The following POFUT1 variants were observed in gnomAD, a reference collection of about 807,000 sequenced individuals.
POFUT1 encodes the protein protein O-fucosyltransferase 1.
A neutral mutation model predicts 42.4 loss-of-function variants in POFUT1; 16 were observed. The observed-to-expected ratio is 0.38, with a 90% confidence interval of 0.26 to 0.57. The LOEUF (loss-of-function observed/expected upper bound fraction) is 0.57, where lower values mean the gene tolerates loss of function less well. POFUT1 is among the 20% of genes least tolerant of loss of function. POFUT1 has a pLI of 0.71. For synonymous variants in POFUT1, 206 were observed against 205.4 expected (o/e 1.00, Z -0.03); for missense variants, 470 against 504.6 (o/e 0.93, Z 0.66).
rs1311923921 is a variant in POFUT1, at chr20:32,237,705, CCT to C, written c.*3049_*3050del. 2 of 504,066 alleles carry C rather than the reference CCT, an allele frequency of 4.0e-6. No homozygotes were observed. Among genetic ancestry groups the C allele is most frequent in the East Asian group, 1.1e-4 (2 of 17,642 alleles). The allele number at this position is 504,066 out of a possible 1,614,324, so 31.2% of individuals were successfully genotyped here. ...ATGAGCTGATTCACATTCTGAAGGA[CCT>C]CTCTAGCTGGCCAGTGCTGAGGAGG... On this transcript the variant is annotated 3_prime_UTR_variant, in exon 7 of 7. Coordinates refer to ENST00000375749, the MANE Select transcript of POFUT1 (RefSeq NM_015352.2).
At chr20:32,220,135 G>C (rs545665517) in intron 4 of POFUT1, among the ~76,000 whole-genome samples, 9 of 152,326 alleles carry the variant, frequency 5.9e-5, no homozygotes, top group Admixed American at 5.2e-4. Flanking sequence ...GTTGTAGCCT[G>C]TATCAAAATT....
chr20:32,223,725 A>G, intron 4 of POFUT1: 3 of 979,870 alleles, frequency 3.1e-6, no homozygotes, highest in South Asian at 4.7e-5. Context: ...CATTTATTCT[A>G]AAAATATTTA....
Position 32,207,902 on chromosome 20 carries a change from C to T in POFUT1, c.-40C>T, listed in dbSNP as rs979270171. Reference sequence around the variant, plus strand: ...GGCGCTCGCGTCCCTCCTTCCCTCCCCGACTGTGCGCCGCGGCTGGCTCGG... The same window carrying T: ...GGCGCTCGCGTCCCTCCTTCCCTCCTCGACTGTGCGCCGCGGCTGGCTCGG... On this transcript the variant is annotated 5_prime_UTR_variant, in exon 1 of 7. Transcript: ENST00000375749. 11 of 1,551,868 alleles carry T rather than the reference C, an allele frequency of 7.1e-6. No individual in the cohort carries two copies. Among genetic ancestry groups the T allele is most frequent in the Non-Finnish European group, 3.5e-6 (4 of 1,157,742 alleles).
chr20:32,219,493 G>C (rs1292999289), intron 4 of POFUT1, among the ~76,000 whole-genome samples: 1 of 149,104 alleles, frequency 6.7e-6, no homozygotes, highest in Non-Finnish European at 1.5e-5. Flanking sequence ...ACAAAACGTA[G>C]TAGCATAACA....
intron 3 of POFUT1, 133 bp from the exon 4 acceptor site, chr20:32,216,476 T>C (rs2047360979): frequency 1.6e-6 from 1 of 641,032 alleles, no homozygotes; most frequent in Admixed American, 2.6e-5. Flanking sequence ...GTGACATTTC[T>C]CCTAGGCCAT....
In POFUT1 at chr20:32,234,530, C is replaced by T. The variant is rs376777378; in HGVS notation, c.1036C>T (p.Gln346Ter). The change falls in exon 7 of 7, where the codon CAA becomes TAA. Residue 346 changes from glutamine (Q) to a stop codon, truncating the protein, a stop_gained. Coordinates refer to ENST00000375749, the MANE Select transcript of POFUT1 (RefSeq NM_015352.2). LOFTEE classifies it high-confidence loss of function. Reference protein sequence around the residue: ...VAQVDLYILGQADHFIGNCVS... With the variant: ...VAQVDLYILG ...CCAGGTCGACCTGTACATCCTCGGC[C>T]AAGCCGACCACTTTATTGGCAACTG... is the stretch of plus-strand genomic sequence containing the variant. 1.9e-6 allele frequency: 3 copies of T among 1,613,976 alleles called. No individual in the cohort carries two copies. The highest frequency in any genetic ancestry group is 1.3e-5 in the African/African-American group (1 of 74,950).
intron 3 of POFUT1, among the ~76,000 whole-genome samples, chr20:32,216,199 C>T (rs1294326969): frequency 1.3e-5 from 2 of 152,198 alleles, no homozygotes; most frequent in Non-Finnish European, 2.9e-5. Context: ...CAACAGTGCC[C>T]TTACTGGCTG....
intron 2 of POFUT1, among the ~76,000 whole-genome samples, chr20:32,210,579 A>T (rs1170040916): frequency 1.3e-5 from 2 of 152,218 alleles, no homozygotes; most frequent in Non-Finnish European, 2.9e-5. Context: ...CCCTCTGTGC[A>T]TTCCATTGGC....
chr20:32,226,899 C>T (rs947044404), intron 4 of POFUT1, among the ~76,000 whole-genome samples: 1 of 152,076 alleles, frequency 6.6e-6, no homozygotes, highest in Admixed American at 6.6e-5. Flanking sequence ...AATAAAGCTG[C>T]AAGGGACATT....
chr20:32,217,295 C>A, intron 4 of POFUT1: 13 of 1,354,262 alleles, frequency 9.6e-6, no homozygotes, highest in Non-Finnish European at 1.1e-5. Flanking sequence ...TTTCTAGGAG[C>A]TATGGTCTCA....
At chr20:32,227,428 G>A (rs1432572371) in intron 4 of POFUT1, among the ~76,000 whole-genome samples, 1 of 152,200 alleles carries the variant, frequency 6.6e-6, no homozygotes, top group African/African-American at 2.4e-5. Context: ...GCTGAGATGG[G>A]AAGGTCTTGC....
chr20:32,223,882 A>T (rs911592743), intron 4 of POFUT1: 2 of 187,756 alleles, frequency 1.1e-5, no homozygotes, highest in Non-Finnish European at 2.0e-5. Context: ...CCTGGATTTA[A>T]ATCCTGGCTC....
At chr20:32,216,055 T>A (rs547484793) in intron 3 of POFUT1, among the ~76,000 whole-genome samples, 1 of 152,200 alleles carries the variant, frequency 6.6e-6, no homozygotes, top group Non-Finnish European at 1.5e-5. Context: ...TCATATCTTA[T>A]TAAAAGAAAT....
chr20:32,233,565 C>G (rs1019614353), intron 6 of POFUT1, among the ~76,000 whole-genome samples: 1 of 152,232 alleles, frequency 6.6e-6, no homozygotes, highest in Non-Finnish European at 1.5e-5. Context: ...GAGGTTATCT[C>G]GAAAAGTTTC....
In POFUT1 at chr20:32,234,577, T is replaced by C. The variant is rs764708703; in HGVS notation, c.1083T>C (p.Phe361=). 1 of 1,614,158 alleles carries C rather than the reference T, an allele frequency of 6.2e-7. No homozygotes were observed. The highest frequency in any genetic ancestry group is 1.7e-5 in the Admixed American group (1 of 60,014). ...IGNCVSSFTA[F]VKRERDLQGR... Reference sequence around the variant, plus strand: ...ACTGTGTCTCCTCCTTCACTGCCTTTGTGAAGCGGGAGCGGGACCTCCAGG... The same window carrying C: ...ACTGTGTCTCCTCCTTCACTGCCTTCGTGAAGCGGGAGCGGGACCTCCAGG... The change falls in exon 7 of 7, where the codon TTT becomes TTC. Residue 361 remains phenylalanine (F), a synonymous_variant. Transcript: ENST00000375749.
chr20:32,237,503 T>G lies in POFUT1; in HGVS notation c.*2842T>G. Reference sequence around the variant, plus strand: ...ACGTGCAAAGGCCCCGAGACTGGAGTGTGTTCCTGAAGAGCAGCCAGGAGG... The same window carrying G: ...ACGTGCAAAGGCCCCGAGACTGGAGGGTGTTCCTGAAGAGCAGCCAGGAGG... On this transcript the variant is annotated 3_prime_UTR_variant, in exon 7 of 7. Transcript: ENST00000375749. 6.0e-5 allele frequency: 12 copies of G among 199,554 alleles called. No individual in the cohort carries two copies. Among genetic ancestry groups the G allele is most frequent in the South Asian group, 1.6e-4 (2 of 12,136 alleles). The allele number at this position is 199,554 out of a possible 1,614,324, so 12.4% of individuals were successfully genotyped here. A position where few individuals can be genotyped will look rare whatever the true frequency, so the allele number is the denominator to read the frequency against.
intron 4 of POFUT1, chr20:32,218,062 C>G (rs1319445455): frequency 2.0e-5 from 3 of 152,142 alleles, no homozygotes; most frequent in Non-Finnish European, 4.4e-5. Flanking sequence ...GAATAAGGTC[C>G]CTTGCCCAAG....
At chr20:32,224,248 C>T (rs1440532759) in intron 4 of POFUT1, among the ~76,000 whole-genome samples, 5 of 152,104 alleles carry the variant, frequency 3.3e-5, no homozygotes, top group Non-Finnish European at 5.9e-5. Context: ...AAAAATTAGC[C>T]GGGCATGGTG....
At chr20:32,234,333 GAC>G (rs2047458068) in intron 6 of POFUT1, 138 bp from the exon 7 acceptor site, 1 of 799,186 alleles carries the variant, frequency 1.3e-6, no homozygotes, top group East Asian at 2.8e-5. Flanking sequence ...GCTTCCCTCA[GAC>G]ACTGAACCAC....
Sources: gnomAD v4.1 joint callset for allele counts (sites outside exome capture counted in the v4.1 genomes callset) on GRCh38, gnomAD v4.1.1 for gene constraint, MANE v1.5 for transcripts, NCBI Gene and HGNC (gene_info 2026-07-23, HGNC 2026-07-21) for gene names.